The following R3HDM2 variants were observed in gnomAD, a reference collection of about 807,000 sequenced individuals.
The protein encoded by R3HDM2 is R3H domain-containing protein 2.
R3HDM2 carries 38 observed loss-of-function variants against 124.5 expected under a neutral mutation model. The ratio of observed to expected loss-of-function variants is 0.31; its 90% CI spans 0.24 to 0.40. The LOEUF is 0.40. Among genes scored for constraint, R3HDM2 ranks in the 10% least tolerant of loss-of-function variants. The pLI, the probability that R3HDM2 is intolerant of heterozygous loss-of-function variation, is 1.00. For missense variants in R3HDM2, 869 were observed against 1,236.9 expected (o/e 0.70, Z 4.46); for synonymous variants, 391 against 448.0 (o/e 0.87, Z 1.61).
intron 13 of R3HDM2, among the ~76,000 whole-genome samples, chr12:57,281,055 G>T (rs1334703501): frequency 6.6e-6 from 1 of 152,104 alleles, no homozygotes; most frequent in African/African-American, 2.4e-5. Flanking sequence ...GGCTGAGGCG[G>T]GTGGATCACC....
chr12:57,268,218 T>C, intron 18 of R3HDM2, 85 bp downstream of exon 18: 1 of 1,480,516 alleles, frequency 6.8e-7, no homozygotes. Flanking sequence ...CTGCCTTTCT[T>C]AGGCCAGTGG....
intron 2 of R3HDM2, among the ~76,000 whole-genome samples, chr12:57,349,804 C>A (rs2060494041): frequency 6.6e-6 from 1 of 152,130 alleles, no homozygotes; most frequent in African/African-American, 2.4e-5. Flanking sequence ...TCGTGATCCA[C>A]CTGCCTCAGC....
chr12:57,416,342 G>A (rs2069601873), intron 1 of R3HDM2, among the ~76,000 whole-genome samples: 1 of 152,128 alleles, frequency 6.6e-6, no homozygotes, highest in African/African-American at 2.4e-5. Context: ...GGTAAATACA[G>A]GTAAATGTCA....
chr12:57,268,618 G>A (rs1158484946), intron 17 of R3HDM2, 161 bp from the exon 18 acceptor site: 22 of 812,576 alleles, frequency 2.7e-5, no homozygotes. Flanking sequence ...TTCCAGAGCT[G>A]TCTCTATTTC....
chr12:57,297,216 A>G (rs1251112620), intron 8 of R3HDM2, 112 bp downstream of exon 8: 8 of 612,086 alleles, frequency 1.3e-5, no homozygotes, highest in Non-Finnish European at 2.3e-5. Flanking sequence ...TAAAAACTTC[A>G]GTATGTTTTC....
At chr12:57,349,284 G>A (rs1355675742) in intron 2 of R3HDM2, among the ~76,000 whole-genome samples, 7 of 148,784 alleles carry the variant, frequency 4.7e-5, no homozygotes, top group Admixed American at 1.4e-4. Context: ...GGAGGCTGAG[G>A]CAGGAGAATG....
intron 2 of R3HDM2, among the ~76,000 whole-genome samples, chr12:57,347,115 A>G (rs758266245): frequency 8.6e-5 from 13 of 152,036 alleles, no homozygotes; most frequent in Non-Finnish European, 1.9e-4. Context: ...GCTTGGTGGC[A>G]TAGGCCTACA....
At chr12:57,321,393 G>A (rs2056421749) in intron 2 of R3HDM2, among the ~76,000 whole-genome samples, 1 of 152,180 alleles carries the variant, frequency 6.6e-6, no homozygotes, top group Non-Finnish European at 1.5e-5. Flanking sequence ...GCTCATGCCT[G>A]TAATCCTAGC....
chr12:57,414,805 C>A (rs2069405520), intron 1 of R3HDM2, among the ~76,000 whole-genome samples: 1 of 151,670 alleles, frequency 6.6e-6, no homozygotes. Flanking sequence ...TGCACTCCAG[C>A]CTGGGTGACA....
chr12:57,346,359 GA>G (rs1260693529), intron 2 of R3HDM2, among the ~76,000 whole-genome samples: 1 of 151,182 alleles, frequency 6.6e-6, no homozygotes. Flanking sequence ...TTGGGAGGCT[GA>G]GGCAGGAGAA....
intron 16 of R3HDM2, 59 bp from the exon 17 acceptor site, chr12:57,269,141 T>C (rs970681956): frequency 7.4e-5 from 118 of 1,590,022 alleles, no homozygotes; most frequent in Non-Finnish European, 9.8e-5. Context: ...TCACACTCTA[T>C]CTGTAATTTC....
chr12:57,362,347 C>T (rs1032621444), intron 2 of R3HDM2, among the ~76,000 whole-genome samples: 3 of 152,106 alleles, frequency 2.0e-5, no homozygotes, highest in Non-Finnish European at 4.4e-5. Flanking sequence ...TTTTCTCTTC[C>T]TTATGATTTT....
At chr12:57,369,811 T>A (rs2063102586) in intron 2 of R3HDM2, among the ~76,000 whole-genome samples, 1 of 152,036 alleles carries the variant, frequency 6.6e-6, no homozygotes, top group South Asian at 2.1e-4. Flanking sequence ...AATATATATA[T>A]GAAATTTAAA....
At chr12:57,425,233 T>C (rs1167487977) in intron 1 of R3HDM2, among the ~76,000 whole-genome samples, 3 of 151,570 alleles carry the variant, frequency 2.0e-5, no homozygotes, top group Non-Finnish European at 4.4e-5. Flanking sequence ...GATCGTGCCA[T>C]TGCACTCCAA....
chr12:57,395,831 G>A lies in R3HDM2; in HGVS notation c.-105-13C>T. ...ACAAGTCTAACCTCTGGGGGAGGAG[G>A]GGGAAAAAAAAAAACAAGTTAAAAG... is the stretch of plus-strand genomic sequence containing the variant. On this transcript the variant is annotated splice_polypyrimidine_tract_variant and intron_variant, in intron 1 of 23. Coordinates refer to ENST00000402412, the MANE Select transcript of R3HDM2 (RefSeq NM_001394031.1). 1 of 982,450 alleles carries A rather than the reference G, an allele frequency of 1.0e-6. No individual in the cohort carries two copies. Among genetic ancestry groups the A allele is most frequent in the East Asian group, 1.1e-4 (1 of 8,780 alleles). 60.9% of individuals were successfully genotyped at this position (982,450 alleles called of 1,614,324 possible).
chr12:57,349,599 C>A (rs2060476390), intron 2 of R3HDM2, among the ~76,000 whole-genome samples: 1 of 148,482 alleles, frequency 6.7e-6, no homozygotes, highest in Admixed American at 6.7e-5. Context: ...CTCGCTCTGT[C>A]GCCCAGGCTG....
At chr12:57,321,104 G>C (rs879081693) in intron 2 of R3HDM2, among the ~76,000 whole-genome samples, 1 of 152,170 alleles carries the variant, frequency 6.6e-6, no homozygotes, top group African/African-American at 2.4e-5. Flanking sequence ...TATAGGCTGA[G>C]CATCCCTAAT....
Position 57,269,991 on chromosome 12 carries a change from C to T in R3HDM2, c.1348G>A (p.Asp450Asn), listed in dbSNP as rs756919972. Residue 450 changes from aspartate to asparagine, a missense_variant, in exon 15 of 24, where the codon GAT becomes AAT. Physicochemically the swap from Asp to Asn is conservative, Grantham distance 23. This residue lies in a region of R3HDM2 where 602 missense variants were observed against 789.2 expected (regional missense o/e 0.76). Transcript: ENST00000402412. ...PLNNHMISQA[D>N]DLSNPFGQMS... ...TGTCCAAAGGGGTTGCTGAGGTCATCTGCCTGTTGAGAGAGTATAAGACAC... is the reference window on the plus strand; with the variant it reads ...TGTCCAAAGGGGTTGCTGAGGTCATTTGCCTGTTGAGAGAGTATAAGACAC... The T allele has an allele frequency of 3.1e-6, 5 of 1,614,222 alleles. No individual in the cohort carries two copies. In the Admixed American group the frequency reaches 6.7e-5, roughly 22 times the overall value.
intron 7 of R3HDM2, 48 bp from the exon 8 acceptor site, chr12:57,297,435 C>G: frequency 8.4e-7 from 1 of 1,192,706 alleles, no homozygotes; most frequent in Non-Finnish European, 1.2e-6. Flanking sequence ...AAAAGCAGCC[C>G]TCCCATAGAC....
Sources: allele counts gnomAD v4.1 joint callset (sites outside exome capture counted in the v4.1 genomes callset), GRCh38; gene constraint gnomAD v4.1.1; regional missense constraint gnomAD v4.1.1; transcripts MANE v1.5; gene names NCBI Gene and HGNC (gene_info 2026-07-23, HGNC 2026-07-21).